Variants in VAV3 observed in about 807,000 individuals in gnomAD.
The protein encoded by VAV3 is guanine nucleotide exchange factor VAV3.
VAV3 carries 94 observed loss-of-function variants against 131.2 expected under a neutral mutation model. That is an observed-to-expected ratio of 0.72 (90% CI 0.61 to 0.85). VAV3 has a LOEUF of 0.85. VAV3 is among the 40% of genes least tolerant of loss of function. The pLI, the probability that VAV3 is intolerant of heterozygous loss-of-function variation, is 0.00. For synonymous variants in VAV3, 349 were observed against 342.0 expected, an observed-to-expected ratio of 1.02 and a Z score of -0.22; for missense variants, 939 against 1,002.7, an observed-to-expected ratio of 0.94 and a Z score of 0.86.
At chr1:107,883,162 T>G (rs1670862611) in intron 1 of VAV3, among the ~76,000 whole-genome samples, 2 of 152,172 alleles carry the variant, frequency 1.3e-5, no homozygotes, top group African/African-American at 4.8e-5. Context: ...TCAATGATAA[T>G]GTACTTTCAT....
At chr1:107,841,358 GA>G (rs765556378) in intron 2 of VAV3, among the ~76,000 whole-genome samples, 38 of 152,042 alleles carry the variant, frequency 2.5e-4, no homozygotes, top group Non-Finnish European at 4.1e-4. Flanking sequence ...GAAATATGGG[GA>G]AAAAAACTAA....
chr1:107,879,610 T>C (rs1230773775), intron 1 of VAV3, among the ~76,000 whole-genome samples: 3 of 152,168 alleles, frequency 2.0e-5, no homozygotes, highest in Admixed American at 6.6e-5. Context: ...GCTAGACCTT[T>C]GAATCATCTG....
chr1:107,651,010 C>T (rs916906462), intron 19 of VAV3, among the ~76,000 whole-genome samples: 1 of 152,000 alleles, frequency 6.6e-6, no homozygotes, highest in African/African-American at 2.4e-5. Flanking sequence ...AGAGGTGGAG[C>T]CTTTGAGAGG....
At chr1:107,699,053 T>A (rs1179231537) in intron 17 of VAV3, among the ~76,000 whole-genome samples, 1 of 152,082 alleles carries the variant, frequency 6.6e-6, no homozygotes, top group Non-Finnish European at 1.5e-5. Context: ...AAAACTCACA[T>A]CCTCATATTC....
chr1:107,601,184 G>A lies in VAV3; in HGVS notation c.2220+1213C>T, dbSNP rs778898225. 3.3e-5 allele frequency among the ~76,000 whole-genome samples: 5 copies of A among 152,262 alleles called. No homozygotes were observed. In the South Asian group the frequency reaches 1.0e-3, roughly 32 times the overall value. ...TGTGCTCAGCCTGCTTGTTTCAACA[G>A]AATGTAAGTTACTTCCAGCAGGGAG... is the stretch of plus-strand genomic sequence containing the variant. On this transcript the variant is annotated intron_variant, in intron 24 of 26. Transcript: ENST00000370056.
intron 20 of VAV3, among the ~76,000 whole-genome samples, chr1:107,632,086 T>TCC (rs1345996953): frequency 6.6e-6 from 1 of 152,164 alleles, no homozygotes; most frequent in Admixed American, 6.5e-5. Flanking sequence ...TAGTTTACAG[T>TCC]CCCACCAACA....
chr1:107,588,335 C>A (rs115204873), intron 25 of VAV3, among the ~76,000 whole-genome samples: 1 of 152,070 alleles, frequency 6.6e-6, no homozygotes, highest in Non-Finnish European at 1.5e-5. Flanking sequence ...GTGTGTATAC[C>A]GGAATAGTGT....
intron 21 of VAV3, among the ~76,000 whole-genome samples, chr1:107,611,702 T>C: frequency 6.6e-6 from 1 of 151,726 alleles, no homozygotes; most frequent in African/African-American, 2.4e-5. Context: ...TTAAAAAGGC[T>C]GGAGATCCAA....
chr1:107,688,852 T>C (rs1659217001), intron 17 of VAV3, among the ~76,000 whole-genome samples: 1 of 152,214 alleles, frequency 6.6e-6, no homozygotes, highest in Admixed American at 6.5e-5. Flanking sequence ...TAGTACAACA[T>C]TTCGTGTGAA....
At chr1:107,888,484 C>G (rs1273915164) in intron 1 of VAV3, among the ~76,000 whole-genome samples, 1 of 152,090 alleles carries the variant, frequency 6.6e-6, no homozygotes, top group African/African-American at 2.4e-5. Flanking sequence ...TGGAGATGGA[C>G]TTTCTCTCTT....
At chr1:107,631,050 G>A (rs1289349444) in intron 20 of VAV3, among the ~76,000 whole-genome samples, 4 of 151,914 alleles carry the variant, frequency 2.6e-5, no homozygotes, top group African/African-American at 7.3e-5. Flanking sequence ...TATCAAGTTC[G>A]GTACAAAGAC....
At chr1:107,782,138 T>C (rs184374311) in intron 2 of VAV3, among the ~76,000 whole-genome samples, 8 of 152,280 alleles carry the variant, frequency 5.3e-5, no homozygotes, top group African/African-American at 1.9e-4. Context: ...CATATATCAC[T>C]ACTTAATAAC....
intron 1 of VAV3, among the ~76,000 whole-genome samples, chr1:107,911,537 T>G (rs1672366713): frequency 6.6e-6 from 1 of 152,212 alleles, no homozygotes; most frequent in African/African-American, 2.4e-5. Context: ...CATTTTTAAA[T>G]CTACAGAATA....
intron 1 of VAV3, among the ~76,000 whole-genome samples, chr1:107,884,078 T>C (rs2101042270): frequency 6.6e-6 from 1 of 151,474 alleles, no homozygotes; most frequent in East Asian, 1.9e-4. Flanking sequence ...AAAGTAGCAC[T>C]CAACTATTTT....
At chr1:107,755,388 G>C (rs755535080) in intron 12 of VAV3, 39 bp downstream of exon 12, 5 of 1,403,942 alleles carry the variant, frequency 3.6e-6, no homozygotes, top group Admixed American at 1.7e-5. Flanking sequence ...TCGTTGATGT[G>C]GGGGTGAGGG....
intron 1 of VAV3, among the ~76,000 whole-genome samples, chr1:107,950,975 A>C (rs879041527): frequency 6.6e-6 from 1 of 152,154 alleles, no homozygotes. Context: ...CTGAACTTTC[A>C]AGATATTCAA....
chr1:107,956,124 C>T (rs1441941220), intron 1 of VAV3, among the ~76,000 whole-genome samples: 1 of 152,180 alleles, frequency 6.6e-6, no homozygotes, highest in East Asian at 1.9e-4. Flanking sequence ...ACTCATAGTG[C>T]AGGAGAGAAG....
chr1:107,748,795 A>C (rs1174189575), intron 15 of VAV3, among the ~76,000 whole-genome samples, 173 bp downstream of exon 15: 1 of 152,156 alleles, frequency 6.6e-6, no homozygotes, highest in Non-Finnish European at 1.5e-5. Flanking sequence ...TAGGAGACCA[A>C]AGTTATCAAG....
chr1:107,642,403 G>A (rs1655408677), intron 20 of VAV3, among the ~76,000 whole-genome samples: 1 of 152,134 alleles, frequency 6.6e-6, no homozygotes, highest in African/African-American at 2.4e-5. Flanking sequence ...TCCACCCCTT[G>A]TTTAATATTT....
Sources: gnomAD v4.1 joint callset for allele counts (sites outside exome capture counted in the v4.1 genomes callset) on GRCh38, gnomAD v4.1.1 for gene constraint, MANE v1.5 for transcripts, NCBI Gene and HGNC (gene_info 2026-07-23, HGNC 2026-07-21) for gene names.